Variants in CSMD1 observed in about 807,000 individuals in gnomAD.
CSMD1 encodes the protein CUB and Sushi multiple domains 1, also known as CUB and sushi domain-containing protein 1.
CSMD1 carries 213 observed loss-of-function variants against 417.5 expected under a neutral mutation model. The ratio of observed to expected loss-of-function variants is 0.51; its 90% CI spans 0.46 to 0.57. The LOEUF (loss-of-function observed/expected upper bound fraction) is 0.57, where lower values mean the gene tolerates loss of function less well. CSMD1 is among the 20% of genes least tolerant of loss of function. CSMD1 has a pLI of 0.00. For synonymous variants in CSMD1, 2,862 were observed against 1,736.8 expected (o/e 1.65, Z -16.11); for missense variants, 6,923 against 4,529.7 (o/e 1.53, Z -15.17).
intron 19 of CSMD1, 36 bp from the exon 20 acceptor site, chr8:3,367,283 G>C (rs1474765928): frequency 2.7e-6 from 4 of 1,488,864 alleles, no homozygotes; most frequent in Non-Finnish European, 3.7e-6. Flanking sequence ...GAGAGAGACA[G>C]AGAGAGACAC....
intron 1 of CSMD1, among the ~76,000 whole-genome samples, chr8:4,704,306 A>G (rs1436058251): frequency 6.6e-6 from 1 of 152,236 alleles, no homozygotes; most frequent in Non-Finnish European, 1.5e-5. Flanking sequence ...TATTTTATTC[A>G]GCATTGAGTG....
At chr8:3,942,706 G>C (rs1810964924) in intron 5 of CSMD1, among the ~76,000 whole-genome samples, 1 of 152,082 alleles carries the variant, frequency 6.6e-6, no homozygotes. Context: ...TTAAATTTCT[G>C]TGTTCTTAAT....
At chr8:4,178,062 C>G (rs1006910715) in intron 3 of CSMD1, among the ~76,000 whole-genome samples, 1 of 152,066 alleles carries the variant, frequency 6.6e-6, no homozygotes, top group African/African-American at 2.4e-5. Context: ...AAGAGGGCAC[C>G]CTCACTAACT....
intron 3 of CSMD1, among the ~76,000 whole-genome samples, chr8:4,081,806 CA>C (rs1281904097): frequency 6.6e-6 from 1 of 151,698 alleles, no homozygotes; most frequent in East Asian, 2.0e-4. Flanking sequence ...CACAATGGAT[CA>C]AATAAATTGT....
chr8:4,362,088 T>C (rs778995097), intron 3 of CSMD1, among the ~76,000 whole-genome samples: 9 of 152,144 alleles, frequency 5.9e-5, no homozygotes, highest in Middle Eastern at 3.2e-3. Flanking sequence ...ATTTAATTGA[T>C]ATACAAATGA....
chr8:3,188,119 GCC>G, intron 35 of CSMD1, among the ~76,000 whole-genome samples, 154 bp from the exon 36 acceptor site: 2 of 141,080 alleles, frequency 1.4e-5, no homozygotes, highest in East Asian at 2.0e-4. Context: ...CCTTAATAAT[GCC>G]TCCAATGCCA....
chr8:3,051,447 G>A (rs1475648901), intron 50 of CSMD1, among the ~76,000 whole-genome samples: 1 of 152,176 alleles, frequency 6.6e-6, no homozygotes, highest in Non-Finnish European at 1.5e-5. Context: ...CTATGGGAGG[G>A]TGGAGGGTGG....
intron 3 of CSMD1, among the ~76,000 whole-genome samples, chr8:4,236,026 G>GCTTTTTTTTTTTTTT (rs1420352173): frequency 1.4e-4 from 15 of 108,108 alleles, no homozygotes; most frequent in South Asian, 3.5e-4. Context: ...AATGGATATT[G>GCTTTTTTTTTTTTTT]TTTTTTTTGT....
At chr8:4,435,109 AAAT>A (rs1798080472) in intron 2 of CSMD1, among the ~76,000 whole-genome samples, 1 of 152,222 alleles carries the variant, frequency 6.6e-6, no homozygotes, top group South Asian at 2.1e-4. Flanking sequence ...TAGATGCTAA[AAAT>A]AAGGAAAAAC....
rs1426616179 is a variant in CSMD1, at chr8:4,087,381, A to G, written c.416-55282T>C. Among the ~76,000 whole-genome samples, 5 of 152,172 alleles carry G rather than the reference A, an allele frequency of 3.3e-5. No individual in the cohort carries two copies. In the East Asian group the frequency reaches 7.7e-4, roughly 23 times the overall value. On this transcript the variant is annotated intron_variant, in intron 3 of 69. Transcript: ENST00000635120. Reference sequence around the variant, plus strand: ...ATTTGCTTCTCAAAGAACATGACCTAACACACATAGCTGTTCTTGCATTTT... The same window carrying G: ...ATTTGCTTCTCAAAGAACATGACCTGACACACATAGCTGTTCTTGCATTTT...
intron 5 of CSMD1, among the ~76,000 whole-genome samples, chr8:3,954,056 G>A (rs561263790): frequency 2.0e-5 from 3 of 152,146 alleles, no homozygotes; most frequent in African/African-American, 4.8e-5. Context: ...GGGAGCTCCT[G>A]TCCCCGGGAC....
chr8:3,561,496 T>C (rs1799464378), intron 10 of CSMD1, among the ~76,000 whole-genome samples: 1 of 152,188 alleles, frequency 6.6e-6, no homozygotes, highest in Non-Finnish European at 1.5e-5. Context: ...CAGAATGTCA[T>C]TATCCTAAGT....
intron 3 of CSMD1, among the ~76,000 whole-genome samples, chr8:4,033,907 T>G (rs543228797): frequency 2.6e-4 from 39 of 152,204 alleles, no homozygotes; most frequent in African/African-American, 7.7e-4. Flanking sequence ...TTGGCTATTG[T>G]ATCCATATCT....
At chr8:3,944,779 C>G (rs1394306216) in intron 5 of CSMD1, among the ~76,000 whole-genome samples, 2 of 152,122 alleles carry the variant, frequency 1.3e-5, no homozygotes, top group Non-Finnish European at 2.9e-5. Context: ...CTTACAAATA[C>G]CCAAATGATC....
chr8:3,114,119 C>T (rs1042699368), intron 42 of CSMD1, among the ~76,000 whole-genome samples: 1 of 152,104 alleles, frequency 6.6e-6, no homozygotes, highest in Non-Finnish European at 1.5e-5. Flanking sequence ...GAGCACATGC[C>T]TGTGGTCCTA....
chr8:4,418,003 T>G (rs892177680), intron 3 of CSMD1, among the ~76,000 whole-genome samples: 5 of 152,018 alleles, frequency 3.3e-5, no homozygotes, highest in Non-Finnish European at 7.4e-5. Context: ...AATTGATAAT[T>G]TTTCTCCAAA....
intron 3 of CSMD1, among the ~76,000 whole-genome samples, chr8:4,281,099 A>T (rs898651504): frequency 1.3e-5 from 2 of 152,186 alleles, no homozygotes. Flanking sequence ...GTGTACCAGG[A>T]TGGTATGAGG....
At chr8:3,120,607 G>C (rs944090627) in intron 41 of CSMD1, among the ~76,000 whole-genome samples, 9 of 152,094 alleles carry the variant, frequency 5.9e-5, no homozygotes, top group African/African-American at 2.2e-4. Flanking sequence ...CCAGCATTTT[G>C]GGAGGCCGAA....
chr8:3,531,441 C>A (rs555509283), intron 10 of CSMD1, among the ~76,000 whole-genome samples: 1 of 152,058 alleles, frequency 6.6e-6, no homozygotes, highest in Non-Finnish European at 1.5e-5. Flanking sequence ...TGATAAACAT[C>A]ACCCCTCAAA....
Sources: allele counts gnomAD v4.1 joint callset (sites outside exome capture counted in the v4.1 genomes callset), GRCh38; gene constraint gnomAD v4.1.1; transcripts MANE v1.5; gene names NCBI Gene and HGNC (gene_info 2026-07-23, HGNC 2026-07-21).